Variants in TRIO observed in about 807,000 individuals in gnomAD.
The protein encoded by TRIO is triple functional domain protein.
A neutral mutation model predicts 351.9 loss-of-function variants in TRIO; 58 were observed. The ratio of observed to expected loss-of-function variants is 0.16; its 90% CI spans 0.13 to 0.21. The LOEUF is 0.21. Ranked by LOEUF, TRIO falls within the 10% of genes least tolerant of loss-of-function variation. The pLI is 1.00. For synonymous variants in TRIO, 1,758 were observed against 1,595.7 expected (o/e 1.10, Z -2.42); for missense variants, 3,201 against 4,027.8 (o/e 0.79, Z 5.56).
At chr5:14,154,225 A>G (rs567348623) in intron 1 of TRIO, among the ~76,000 whole-genome samples, 166 of 152,092 alleles carry the variant, frequency 1.1e-3, no homozygotes, top group Non-Finnish European at 2.2e-3. Flanking sequence ...GGTTGGGAGT[A>G]CGGGAAGGGC....
chr5:14,427,795 T>C (rs1750774963), intron 34 of TRIO, among the ~76,000 whole-genome samples: 1 of 152,150 alleles, frequency 6.6e-6, no homozygotes, highest in Admixed American at 6.5e-5. Context: ...GGGTGCCTTT[T>C]TGGTGCCTAC....
At chr5:14,436,115 A>T (rs1279099363) in intron 34 of TRIO, among the ~76,000 whole-genome samples, 1 of 152,148 alleles carries the variant, frequency 6.6e-6, no homozygotes, top group East Asian at 1.9e-4. Context: ...ATCTGTTTTC[A>T]CACTGCTGAG....
In TRIO at chr5:14,497,077, G is replaced by A; in HGVS notation, c.8019+60G>A. 6.3e-7 allele frequency: 1 copy of A among 1,594,332 alleles called. No individual in the cohort carries two copies. Among genetic ancestry groups the A allele is most frequent in the Non-Finnish European group, 8.6e-7 (1 of 1,169,426 alleles). ...CCAGCATGAGAGAAAGGATCAGGGA[G>A]GGCAGAGACTCTGCAGACCTGAAGC... On this transcript the variant is annotated intron_variant, in intron 50 of 56. Coordinates refer to ENST00000344204, the MANE Select transcript of TRIO (RefSeq NM_007118.4). The surrounding 1 kb of genome is among the most constrained non-coding windows in gnomAD (Gnocchi z 4.4).
intron 1 of TRIO, among the ~76,000 whole-genome samples, chr5:14,269,823 C>T (rs928748099): frequency 3.9e-5 from 6 of 152,140 alleles, no homozygotes; most frequent in Admixed American, 1.3e-4. Context: ...CTAGCATTTG[C>T]GATGCTTTTC....
chr5:14,356,854 A>G (rs1486618859), intron 11 of TRIO, among the ~76,000 whole-genome samples: 2 of 90,052 alleles, frequency 2.2e-5, no homozygotes, highest in African/African-American at 9.8e-5. Context: ...GCTGAATGAA[A>G]GAAGCTGGAC....
intron 45 of TRIO, 94 bp from the exon 46 acceptor site, chr5:14,482,488 C>A: frequency 2.0e-6 from 2 of 985,762 alleles, no homozygotes; most frequent in Non-Finnish European, 1.4e-6. Context: ...ATACATTATT[C>A]CATAGGAGGA....
chr5:14,229,710 G>A (rs965286513), intron 1 of TRIO, among the ~76,000 whole-genome samples: 3 of 152,104 alleles, frequency 2.0e-5, no homozygotes, highest in African/African-American at 7.2e-5. Flanking sequence ...ATTGTGTAAC[G>A]CTCATTGTAG....
chr5:14,406,912 G>A (rs1275688907), intron 33 of TRIO, among the ~76,000 whole-genome samples: 1 of 152,136 alleles, frequency 6.6e-6, no homozygotes, highest in African/African-American at 2.4e-5. Flanking sequence ...CTTTGCCAGT[G>A]CCAAGGGTGT....
intron 1 of TRIO, among the ~76,000 whole-genome samples, chr5:14,205,542 G>C (rs994259277): frequency 3.3e-5 from 5 of 152,158 alleles, no homozygotes; most frequent in African/African-American, 9.7e-5. Context: ...GAATTATGCA[G>C]CTGTAGTTAC....
chr5:14,361,154 C>T (rs1362056472), intron 13 of TRIO, among the ~76,000 whole-genome samples: 1 of 151,574 alleles, frequency 6.6e-6, no homozygotes, highest in African/African-American at 2.4e-5. Context: ...TGCAGTTTTT[C>T]TTCCAGGACA....
intron 1 of TRIO, among the ~76,000 whole-genome samples, chr5:14,268,465 G>T (rs1795812303): frequency 6.6e-6 from 1 of 152,204 alleles, no homozygotes; most frequent in South Asian, 2.1e-4. Context: ...CACAAGTGGG[G>T]CTCTGTCTCT....
intron 11 of TRIO, among the ~76,000 whole-genome samples, chr5:14,340,144 C>T (rs932958658): frequency 2.0e-5 from 3 of 152,066 alleles, no homozygotes; most frequent in Non-Finnish European, 4.4e-5. Flanking sequence ...CCTGTAATCC[C>T]AGCACTTTGG....
chr5:14,207,830 T>C (rs1791640975), intron 1 of TRIO, among the ~76,000 whole-genome samples: 1 of 151,606 alleles, frequency 6.6e-6, no homozygotes, highest in African/African-American at 2.4e-5. Context: ...TATAACACAA[T>C]AAAAAGAACA....
rs144872634 is a variant in TRIO at position 14,280,548 on chromosome 5, T to C, written c.347+112T>C. 5.6e-5 allele frequency: 51 copies of C among 913,172 alleles called. No individual in the cohort carries two copies. The East Asian group carries it at 1.3e-3, about 23-fold the overall frequency. The allele number at this position is 913,172 out of a possible 1,614,324, so 56.6% of individuals were successfully genotyped here. A position where few individuals can be genotyped will look rare whatever the true frequency, so the allele number is the denominator to read the frequency against. The stretch of plus-strand genomic sequence containing the variant: ...AGCCTGCATTCCAGGCAAAGTAGTA[T>C]AAAATGAAAGTCATTATCTTTCACC... On this transcript the variant is annotated intron_variant, in intron 3 of 56. Transcript: ENST00000344204.
intron 13 of TRIO, among the ~76,000 whole-genome samples, chr5:14,361,903 A>G (rs1049193410): frequency 6.6e-6 from 1 of 152,190 alleles, no homozygotes; most frequent in Non-Finnish European, 1.5e-5. Context: ...AGATCACCTG[A>G]GGTCAGGAGT....
At chr5:14,504,703 T>C in intron 55 of TRIO, 110 bp downstream of exon 55, 1 of 1,353,642 alleles carries the variant, frequency 7.4e-7, no homozygotes, top group Non-Finnish European at 1.0e-6. Flanking sequence ...TTGTAGAATT[T>C]ACAGAACTAA....
At chr5:14,297,783 G>C (rs538179652) in intron 7 of TRIO, among the ~76,000 whole-genome samples, 1 of 152,226 alleles carries the variant, frequency 6.6e-6, no homozygotes, top group Non-Finnish European at 1.5e-5. Flanking sequence ...CTATGGAGGG[G>C]TGGTGTCTGC....
intron 1 of TRIO, among the ~76,000 whole-genome samples, chr5:14,225,369 C>G (rs181495359): frequency 6.6e-6 from 1 of 152,192 alleles, no homozygotes; most frequent in African/African-American, 2.4e-5. Flanking sequence ...ACACTCATTT[C>G]TTACTCCACC....
At chr5:14,375,401 G>A (rs1031417973) in intron 19 of TRIO, among the ~76,000 whole-genome samples, 5 of 152,120 alleles carry the variant, frequency 3.3e-5, no homozygotes, top group African/African-American at 4.8e-5. Flanking sequence ...TTTAGGTTGC[G>A]CTAGTTTGAC....
Sources: gnomAD v4.1 joint callset for allele counts (sites outside exome capture counted in the v4.1 genomes callset) on GRCh38, gnomAD v4.1.1 for gene constraint, Gnocchi (gnomAD v3.1) non-coding constraint, MANE v1.5 for transcripts, NCBI Gene and HGNC (gene_info 2026-07-23, HGNC 2026-07-21) for gene names.